COL6A3: variants seen among roughly 807,000 people sequenced by gnomAD.
The protein encoded by COL6A3 is collagen type VI alpha 3 chain, also known as collagen alpha-3(VI) chain.
COL6A3 carries 137 observed loss-of-function variants against 274.1 expected under a neutral mutation model. The observed-to-expected ratio is 0.50, with a 90% confidence interval of 0.44 to 0.58. COL6A3 has a LOEUF of 0.58. Among genes scored for constraint, COL6A3 ranks in the 20% least tolerant of loss-of-function variants. The probability of loss-of-function intolerance (pLI) is 0.00; values close to 1 mark genes in which losing one functional copy is unlikely to be tolerated. For missense variants in COL6A3, 3,950 were observed against 4,124.9 expected (o/e 0.96, Z 1.16); for synonymous variants, 1,650 against 1,650.6 (o/e 1.00, Z 0.01).
At position 237,341,020 on chromosome 2, in the gene COL6A3, C is replaced by G. The variant is rs1378457056; in HGVS notation, c.7896G>C (p.Leu2632=). 6.2e-7 allele frequency: 1 copy of G among 1,614,198 alleles called. No homozygotes were observed. Among genetic ancestry groups the G allele is most frequent in the Admixed American group, 1.7e-5 (1 of 60,020 alleles). Residue 2632 remains leucine, a synonymous_variant, in exon 38 of 44, where the codon CTG becomes CTC. Coordinates refer to ENST00000295550, the MANE Select transcript of COL6A3 (RefSeq NM_004369.4). ...ACTTCTTCATCTCATTGAACTGGAA[C>G]AGGGTGGTGGTCTCAGCGCTGTCTA... ...FILDSAETTT[L]FQFNEMKKYI...
chr2:237,335,495 T>A (rs1183526015), intron 40 of COL6A3, among the ~76,000 whole-genome samples: 1 of 152,238 alleles, frequency 6.6e-6, no homozygotes, highest in Non-Finnish European at 1.5e-5. Flanking sequence ...GTTTTTGCCA[T>A]TGCTTTCAAT....
chr2:237,342,007 G>T, intron 37 of COL6A3, 58 bp downstream of exon 37: 1 of 1,361,238 alleles, frequency 7.3e-7, no homozygotes, highest in Non-Finnish European at 1.0e-6. Flanking sequence ...ACTCTCCCAT[G>T]GATATTATGT....
chr2:237,345,207 T>G lies in COL6A3; in HGVS notation c.7099A>C (p.Lys2367Gln). 1 of 1,614,150 alleles carries G rather than the reference T, an allele frequency of 6.2e-7. No individual in the cohort carries two copies. Among genetic ancestry groups the G allele is most frequent in the Admixed American group, 1.7e-5 (1 of 60,018 alleles). The change falls in exon 33 of 44, where the codon AAG becomes CAG. Residue 2367 changes from lysine to glutamine, a missense_variant. Lys to Gln is a moderately conservative substitution (Grantham distance 53, BLOSUM62 1). Around this residue, in one of 5 missense-constraint regions of COL6A3, gnomAD observed 1,284 missense variants for 1,349.7 expected, o/e 0.95. Transcript: ENST00000295550. ...TCGATGGAGTCGCCCCTGTTGCCCTTGGGACCCTGTAAAACCAAGGAACGA... is the reference window on the plus strand; with the variant it reads ...TCGATGGAGTCGCCCCTGTTGCCCTGGGGACCCTGTAAAACCAAGGAACGA... ...DPGYPGPAGP[K>Q]GNRGDSIDQC...
At chr2:237,396,035 T>C (rs2078432482) in intron 2 of COL6A3, among the ~76,000 whole-genome samples, 1 of 152,142 alleles carries the variant, frequency 6.6e-6, no homozygotes, top group East Asian at 1.9e-4. Context: ...TCTTCTTCCA[T>C]TGAAGTGACA....
intron 3 of COL6A3, among the ~76,000 whole-genome samples, chr2:237,389,063 G>A (rs776202048): frequency 6.6e-6 from 1 of 152,166 alleles, no homozygotes; most frequent in Non-Finnish European, 1.5e-5. Flanking sequence ...GAAGGACCAT[G>A]AGCATCGAAT....
chr2:237,378,952 A>G lies in COL6A3; in HGVS notation c.2181T>C (p.Tyr727=). ...CGCCAGCTTCCGTGAAGTGGTTGGC[A>G]TAGACATAGCTTAGGGCTGAGCCTG... ...LNTGSALSYV[Y]ANHFTEAGGS... Residue 727 remains tyrosine, a synonymous_variant, in exon 6 of 44, where the codon TAT becomes TAC. Transcript: ENST00000295550. The G allele has an allele frequency of 6.2e-7, 1 of 1,614,222 alleles. No homozygotes were observed. The highest frequency in any genetic ancestry group is 8.5e-7 in the Non-Finnish European group (1 of 1,180,046).
chr2:237,346,586 A>C, intron 31 of COL6A3, 21 bp from the exon 32 acceptor site: 1 of 1,606,066 alleles, frequency 6.2e-7, no homozygotes, highest in Non-Finnish European at 8.5e-7. Context: ...CAGAACAAAC[A>C]TTGTTCAACT....
chr2:237,345,946 C>T (rs566076587), intron 32 of COL6A3, among the ~76,000 whole-genome samples: 3 of 152,230 alleles, frequency 2.0e-5, no homozygotes, highest in South Asian at 2.1e-4. Flanking sequence ...TTTTGAAACT[C>T]ACCAATTTCA....
At chr2:237,353,793 C>G (rs2077257691) in intron 24 of COL6A3, among the ~76,000 whole-genome samples, 1 of 152,116 alleles carries the variant, frequency 6.6e-6, no homozygotes, top group African/African-American at 2.4e-5. Context: ...ACTTGGACCC[C>G]AAGTCCCCAC....
intron 5 of COL6A3, among the ~76,000 whole-genome samples, chr2:237,379,802 TCTC>T (rs1396990606): frequency 1.3e-5 from 2 of 152,188 alleles, no homozygotes; most frequent in Non-Finnish European, 2.9e-5. Context: ...CTGGGACTCT[TCTC>T]CTATTAGGAA....
chr2:237,388,597 T>A (rs1480617960), intron 3 of COL6A3, among the ~76,000 whole-genome samples: 1 of 152,222 alleles, frequency 6.6e-6, no homozygotes, highest in Non-Finnish European at 1.5e-5. Flanking sequence ...ACTTTAGAGA[T>A]GATTTCTAAT....
intron 10 of COL6A3, 103 bp from the exon 11 acceptor site, chr2:237,367,389 T>C: frequency 7.2e-7 from 1 of 1,381,502 alleles, no homozygotes. Context: ...ACATTCCTAA[T>C]AATTTATTCA....
chr2:237,378,849 C>T lies in COL6A3; in HGVS notation c.2284G>A (p.Ala762Thr), dbSNP rs759150949. Reference sequence around the variant, plus strand: ...CCCGCGCGTGTCAAGGCGTTGGCAGCTTGCAAATAGGAGTCCTCAGACTGC... The same window carrying T: ...CCCGCGCGTGTCAAGGCGTTGGCAGTTTGCAAATAGGAGTCCTCAGACTGC... ...AGQSEDSYLQ[A>T]ANALTRAGIL... Residue 762 changes from alanine (A) to threonine (T), a missense_variant, in exon 6 of 44, where the codon GCT becomes ACT. Around this residue, in one of 5 missense-constraint regions of COL6A3, gnomAD observed 1,934 missense variants for 1,984.3 expected, o/e 0.97. Transcript: ENST00000295550. The T allele has an allele frequency of 6.2e-7, 1 of 1,614,252 alleles. No individual in the cohort carries two copies. The highest frequency in any genetic ancestry group is 8.5e-7 in the Non-Finnish European group (1 of 1,180,044).
intron 31 of COL6A3, among the ~76,000 whole-genome samples, 200 bp from the exon 32 acceptor site, chr2:237,346,765 C>G (rs1203637061): frequency 1.3e-5 from 2 of 152,088 alleles, no homozygotes; most frequent in Non-Finnish European, 2.9e-5. Context: ...ATGGGAGTCC[C>G]CCACCAACTA....
chr2:237,339,883 G>A (rs2076946583), intron 38 of COL6A3, among the ~76,000 whole-genome samples: 2 of 152,128 alleles, frequency 1.3e-5, no homozygotes, highest in Non-Finnish European at 2.9e-5. Flanking sequence ...GCAGGCCTTG[G>A]GAGCAGCAGC....
intron 1 of COL6A3, among the ~76,000 whole-genome samples, chr2:237,404,299 G>A (rs2078669781): frequency 6.6e-6 from 1 of 152,092 alleles, no homozygotes; most frequent in African/African-American, 2.4e-5. Flanking sequence ...GGAGATAAGG[G>A]TCCATGTTTG....
chr2:237,407,059 G>A lies in COL6A3; in HGVS notation c.-31+6894C>T, dbSNP rs568922191. Reference sequence around the variant, plus strand: ...CAAGTAGCTAGGACTACAGGTGTGCGCCACCACGCCTGGCTAATTTTTTTT... The same window carrying A: ...CAAGTAGCTAGGACTACAGGTGTGCACCACCACGCCTGGCTAATTTTTTTT... On this transcript the variant is annotated intron_variant, in intron 1 of 43. Transcript: ENST00000295550. This position sits in a 1 kb window ranked among gnomAD's most constrained non-coding sequence, Gnocchi z 4.3. 6.2e-4 allele frequency among the ~76,000 whole-genome samples: 94 copies of A among 151,846 alleles called. No individual in the cohort carries two copies. The highest frequency in any genetic ancestry group is 1.8e-3 in the African/African-American group (75 of 41,406).
At position 237,342,154 on chromosome 2, in the gene COL6A3, T is replaced by C. The variant is rs1009561726; in HGVS notation, c.7676A>G (p.Asn2559Ser). Reference protein sequence around the residue: ...RQLINALQINNTAVGHALVLP... With the variant: ...RQLINALQINSTAVGHALVLP... The stretch of plus-strand genomic sequence containing the variant: ...GACAAGCGCATGCCCCACTGCTGTG[T>C]TATTGATCTGGTTTAAACAAAAGAA... The change falls in exon 37 of 44, where the codon AAC (asparagine) becomes AGC (serine). Residue 2559 changes from asparagine to serine, a missense_variant. This residue lies in a region of COL6A3 where 1,284 missense variants were observed against 1,349.7 expected (regional missense o/e 0.95). Transcript: ENST00000295550. 1.2e-6 allele frequency: 2 copies of C among 1,614,056 alleles called. No individual in the cohort carries two copies. Among genetic ancestry groups the C allele is most frequent in the Non-Finnish European group, 1.7e-6 (2 of 1,180,016 alleles).
rs773488210 is a variant in COL6A3 at position 237,380,946 on chromosome 2, T to C, written c.1866A>G (p.Ala622=). 1.2e-6 allele frequency: 2 copies of C among 1,613,986 alleles called. No homozygotes were observed. Among genetic ancestry groups the C allele is most frequent in the Admixed American group, 1.7e-5 (1 of 60,026 alleles). The part of the protein sequence containing the change: ...PLQGMLPGLL[A]PLRTLSGTPE... ...GGGTTCCAGAGAGGGTCCTGAGAGG[T>C]GCCAGCAAGCCAGGCAGCATGCCTT... is the stretch of plus-strand genomic sequence containing the variant. The change falls in exon 5 of 44, where the codon GCA becomes GCG. Residue 622 remains alanine, a synonymous_variant. Transcript: ENST00000295550.
Sources: gnomAD v4.1 joint callset for allele counts (sites outside exome capture counted in the v4.1 genomes callset) on GRCh38, gnomAD v4.1.1 for gene constraint, gnomAD v4.1.1 regional missense constraint, Gnocchi (gnomAD v3.1) non-coding constraint, MANE v1.5 for transcripts, NCBI Gene and HGNC (gene_info 2026-07-23, HGNC 2026-07-21) for gene names.